DCDC1: variants seen among roughly 807,000 people sequenced by gnomAD.
The protein encoded by DCDC1 is doublecortin domain containing 1.
DCDC1 carries 200 observed loss-of-function variants against 178.3 expected under a neutral mutation model. The ratio of observed to expected loss-of-function variants is 1.12; its 90% confidence interval spans 1.00 to 1.26. DCDC1 has a LOEUF of 1.26. DCDC1 is among the 50% of genes most tolerant of loss of function. The probability of loss-of-function intolerance (pLI) is 0.00; values close to 1 mark genes in which losing one functional copy is unlikely to be tolerated. For missense variants in DCDC1, 1,983 were observed against 1,749.2 expected (o/e 1.13, Z -2.38); for synonymous variants, 690 against 604.8 (o/e 1.14, Z -2.07).
intron 20 of DCDC1, among the ~76,000 whole-genome samples, chr11:31,000,699 T>C (rs893371331): frequency 1.3e-5 from 2 of 151,992 alleles, no homozygotes; most frequent in African/African-American, 2.4e-5. Context: ...CTGGGTAGCA[T>C]AATGCATTGT....
chr11:31,115,981 T>TGGGGGGGGGGGGGGGGGGGGGGG (rs548179744), intron 11 of DCDC1, among the ~76,000 whole-genome samples: 1 of 38,092 alleles, frequency 2.6e-5, no homozygotes. Flanking sequence ...GCTGTGGCAG[T>TGGGGGGGGGGGGGGGGGGGGGGG]GGGGGGGGGG....
chr11:31,015,003 A>G (rs1160487431), intron 20 of DCDC1, among the ~76,000 whole-genome samples: 2 of 148,164 alleles, frequency 1.3e-5, no homozygotes, highest in Non-Finnish European at 3.0e-5. Context: ...GCTGGATTGC[A>G]GTGGCGCAAC....
chr11:31,348,703 A>G (rs1211541010), intron 1 of DCDC1, among the ~76,000 whole-genome samples: 1 of 152,180 alleles, frequency 6.6e-6, no homozygotes, highest in Non-Finnish European at 1.5e-5. Flanking sequence ...AGGAGATATA[A>G]GTTGCTGCCA....
At chr11:30,947,194 A>T (rs1277781103) in intron 21 of DCDC1, among the ~76,000 whole-genome samples, 1 of 152,194 alleles carries the variant, frequency 6.6e-6, no homozygotes, top group Non-Finnish European at 1.5e-5. Flanking sequence ...CATCATAAAG[A>T]TACAAAGAGA....
At chr11:30,960,988 C>G (rs990655582) in intron 20 of DCDC1, among the ~76,000 whole-genome samples, 2 of 152,084 alleles carry the variant, frequency 1.3e-5, no homozygotes, top group Non-Finnish European at 2.9e-5. Flanking sequence ...ACTAGGGTCT[C>G]TGTTCAATAT....
chr11:31,197,060 G>A (rs1970776731), intron 9 of DCDC1, among the ~76,000 whole-genome samples: 1 of 152,078 alleles, frequency 6.6e-6, no homozygotes. Context: ...AGGATTTTAG[G>A]AGCTCTATGT....
chr11:31,047,945 C>T (rs769448077), intron 20 of DCDC1, among the ~76,000 whole-genome samples: 1 of 152,134 alleles, frequency 6.6e-6, no homozygotes, highest in Non-Finnish European at 1.5e-5. Context: ...TATACTAATA[C>T]TAACAATAGC....
chr11:31,168,845 CATTA>C (rs1345179951), intron 9 of DCDC1, among the ~76,000 whole-genome samples: 4 of 152,200 alleles, frequency 2.6e-5, no homozygotes, highest in Non-Finnish European at 5.9e-5. Context: ...ATTTAATAAA[CATTA>C]ATTATGCAAT....
intron 9 of DCDC1, among the ~76,000 whole-genome samples, chr11:31,155,226 A>G (rs1235623284): frequency 6.6e-6 from 1 of 152,122 alleles, no homozygotes; most frequent in African/African-American, 2.4e-5. Context: ...TGACCTCTCA[A>G]CTTTATCTAG....
chr11:31,275,887 T>C (rs920105807), intron 7 of DCDC1, among the ~76,000 whole-genome samples: 13 of 152,204 alleles, frequency 8.5e-5, no homozygotes, highest in Admixed American at 6.5e-5. Flanking sequence ...CAATGAGACA[T>C]AAGCAGGGGC....
At chr11:31,040,262 T>A (rs969114705) in intron 20 of DCDC1, among the ~76,000 whole-genome samples, 1 of 152,166 alleles carries the variant, frequency 6.6e-6, no homozygotes, top group Non-Finnish European at 1.5e-5. Context: ...CCTCCAGTCA[T>A]CCCCCTGGCA....
intron 7 of DCDC1, 77 bp downstream of exon 7, chr11:31,290,567 TAGA>T (rs1417657514): frequency 1.5e-6 from 2 of 1,367,690 alleles, no homozygotes; most frequent in African/African-American, 1.5e-5. Context: ...CATCGATATT[TAGA>T]AGAAGAAAAC....
At chr11:30,998,357 G>A (rs1951387753) in intron 20 of DCDC1, among the ~76,000 whole-genome samples, 1 of 152,082 alleles carries the variant, frequency 6.6e-6, no homozygotes, top group Non-Finnish European at 1.5e-5. Flanking sequence ...AAAAGACACA[G>A]CAGGAACCAA....
chr11:30,921,977 G>C (rs1466090603), intron 24 of DCDC1, among the ~76,000 whole-genome samples: 1 of 152,086 alleles, frequency 6.6e-6, no homozygotes, highest in Non-Finnish European at 1.5e-5. Flanking sequence ...GGCTCCAGAG[G>C]GCCACAGGAA....
chr11:31,367,323 C>A (rs1053992651), intron 1 of DCDC1, among the ~76,000 whole-genome samples: 1 of 152,122 alleles, frequency 6.6e-6, no homozygotes, highest in Non-Finnish European at 1.5e-5. Context: ...AAAGATAAAA[C>A]AAATGCAAGT....
intron 20 of DCDC1, among the ~76,000 whole-genome samples, chr11:30,973,453 A>C (rs760823701): frequency 6.6e-6 from 1 of 152,018 alleles, no homozygotes; most frequent in Non-Finnish European, 1.5e-5. Flanking sequence ...GGACTAATTA[A>C]ACCTCTTTTC....
At chr11:31,234,519 A>T (rs1415216461) in intron 9 of DCDC1, among the ~76,000 whole-genome samples, 1 of 152,194 alleles carries the variant, frequency 6.6e-6, no homozygotes, top group Non-Finnish European at 1.5e-5. Context: ...AGAACCAAAG[A>T]TCTTAACTAG....
intron 1 of DCDC1, among the ~76,000 whole-genome samples, chr11:31,339,618 A>G (rs1950444170): frequency 6.6e-6 from 1 of 152,196 alleles, no homozygotes; most frequent in African/African-American, 2.4e-5. Context: ...TTCACTTTGC[A>G]TTCATAGTGC....
intron 13 of DCDC1, among the ~76,000 whole-genome samples, chr11:31,105,538 AT>A (rs1430644788): frequency 3.3e-5 from 5 of 151,626 alleles, no homozygotes; most frequent in African/African-American, 1.2e-4. Flanking sequence ...CCACTTTAAA[AT>A]TCATCAGTTT....
Sources: allele counts gnomAD v4.1 joint callset (sites outside exome capture counted in the v4.1 genomes callset), GRCh38; gene constraint gnomAD v4.1.1; transcripts MANE v1.5; gene names NCBI Gene and HGNC (gene_info 2026-07-23, HGNC 2026-07-21).